Variants in LRRC72 observed in about 807,000 individuals in gnomAD.
LRRC72 encodes the protein leucine-rich repeat-containing protein 72.
LRRC72 carries 41 observed loss-of-function variants against 35.8 expected under a neutral mutation model. The ratio of observed to expected loss-of-function variants is 1.15; its 90% CI spans 0.89 to 1.49. The LOEUF (loss-of-function observed/expected upper bound fraction) is 1.49. LRRC72 is among the 40% of genes most tolerant of loss of function. The pLI is 0.00. For missense variants in LRRC72, 389 were observed against 330.7 expected (o/e 1.18, Z -1.37); for synonymous variants, 118 against 119.2 (o/e 0.99, Z 0.07).
Position 16,567,415 on chromosome 7 carries a change from C to A in LRRC72, c.542C>A (p.Ser181Ter). The part of the protein sequence containing the change: ...RNQVTEKERR[S>*]MITIFNHKKA... ...GAAGTTACAGAAAAAGAAAGAAGAT[C>A]AATGATTACCATTTTTAACCATAAA... Residue 181 changes from serine to a stop codon, truncating the protein, a stop_gained, in exon 7 of 9, where the codon TCA becomes TAA. Transcript: ENST00000401542. LOFTEE classifies it high-confidence loss of function. The A allele has an allele frequency of 6.7e-7, 1 of 1,499,570 alleles. No individual in the cohort carries two copies. The highest frequency in any genetic ancestry group is 8.9e-7 in the Non-Finnish European group (1 of 1,125,098). The allele number at this position is 1,499,570 out of a possible 1,614,324, so 92.9% of individuals were successfully genotyped here. A position where few individuals can be genotyped will look rare whatever the true frequency, so the allele number is the denominator to read the frequency against.
At position 16,548,693 on chromosome 7, in the gene LRRC72, G is replaced by T. The variant is rs574699524; in HGVS notation, c.235-8667G>T. On this transcript the variant is annotated intron_variant, in intron 3 of 8. Transcript: ENST00000401542. The stretch of plus-strand genomic sequence containing the variant: ...TCTGTGCCTGGCTCACTCTTGACAG[G>T]CATGGGATCCAAGCTGGTAGCAGGA... 2.6e-5 allele frequency among the ~76,000 whole-genome samples: 4 copies of T among 152,340 alleles called. No homozygotes were observed. The East Asian group carries it at 7.7e-4, about 29-fold the overall frequency.
chr7:16,527,297 T>A (rs557865063), intron 1 of LRRC72, among the ~76,000 whole-genome samples: 3 of 152,330 alleles, frequency 2.0e-5, no homozygotes, highest in Middle Eastern at 3.4e-3. Flanking sequence ...CTAGAGGTCC[T>A]AATCCCCTGG....
chr7:16,537,578 A>G (rs1231931037), intron 2 of LRRC72, 49 bp from the exon 3 acceptor site: 1 of 1,140,664 alleles, frequency 8.8e-7, no homozygotes, highest in East Asian at 2.6e-5. Context: ...AGACTTACCT[A>G]TGTGTGAACT....
chr7:16,547,640 G>A (rs892101896), intron 3 of LRRC72, among the ~76,000 whole-genome samples: 4 of 152,238 alleles, frequency 2.6e-5, no homozygotes, highest in East Asian at 1.9e-4. Flanking sequence ...ACAGAGTAAA[G>A]TTGATCCCAA....
intron 2 of LRRC72, among the ~76,000 whole-genome samples, chr7:16,535,285 A>G (rs1782234309): frequency 6.6e-6 from 1 of 152,172 alleles, no homozygotes; most frequent in Non-Finnish European, 1.5e-5. Flanking sequence ...GAGACACACA[A>G]TTCTGCTTGA....
Position 16,566,394 on chromosome 7 carries a change from A to G in LRRC72, c.509A>G (p.Asp170Gly). 1.3e-6 allele frequency: 2 copies of G among 1,543,364 alleles called. No homozygotes were observed. The highest frequency in any genetic ancestry group is 1.7e-6 in the Non-Finnish European group (2 of 1,143,260). The change falls in exon 6 of 9, where the codon GAC becomes GGC. Residue 170 changes from aspartate to glycine, a missense_variant. Asp to Gly is a moderately conservative substitution (Grantham distance 94). Transcript: ENST00000401542. ...CACCTTCCAGGAGTGGAGCTGCTTG[A>G]CCGAAATCGTAAGGACCCTTCCTTC... ...IYHLPGVELLDRNQVTEKERR... is the reference protein window; with the variant it reads ...IYHLPGVELLGRNQVTEKERR...
At chr7:16,573,904 T>C (rs1449551029) in intron 7 of LRRC72, among the ~76,000 whole-genome samples, 1 of 152,164 alleles carries the variant, frequency 6.6e-6, no homozygotes, top group Non-Finnish European at 1.5e-5. Context: ...AATCCATCCA[T>C]CTGATGAAGG....
chr7:16,546,325 T>A (rs1276309875), intron 3 of LRRC72, among the ~76,000 whole-genome samples: 3 of 152,180 alleles, frequency 2.0e-5, no homozygotes, highest in African/African-American at 7.2e-5. Context: ...ACCTTGCTAC[T>A]ATTGCGTTTT....
chr7:16,559,292 G>A (rs189218122), intron 5 of LRRC72, among the ~76,000 whole-genome samples: 95 of 152,126 alleles, frequency 6.2e-4, no homozygotes, highest in African/African-American at 2.0e-3. Context: ...TACTTGAGAG[G>A]CTGAGGCGGG....
At chr7:16,533,668 A>T (rs1192851663) in intron 2 of LRRC72, among the ~76,000 whole-genome samples, 1 of 152,078 alleles carries the variant, frequency 6.6e-6, no homozygotes, top group Non-Finnish European at 1.5e-5. Flanking sequence ...TTATTTTATT[A>T]TAAATAAATA....
At chr7:16,569,285 G>A (rs1188700225) in intron 7 of LRRC72, among the ~76,000 whole-genome samples, 1 of 152,068 alleles carries the variant, frequency 6.6e-6, no homozygotes, top group African/African-American at 2.4e-5. Context: ...AATTAGCCAG[G>A]CATGGTGGCA....
rs1782186388 is a variant in LRRC72 at position 16,532,549 on chromosome 7, G to C, written c.145G>C (p.Glu49Gln). The C allele has an allele frequency of 6.5e-6, 10 of 1,549,526 alleles. No homozygotes were observed. Among genetic ancestry groups the C allele is most frequent in the Non-Finnish European group, 7.0e-6 (8 of 1,146,024 alleles). ...CGHRRDADVFELFLSKKELTE... is the reference protein window; with the variant it reads ...CGHRRDADVFQLFLSKKELTE... ...CCACAGGAGGGATGCTGATGTCTTTGAGCTGTTCCTTTCTAAAAAGTAAGT... is the reference window on the plus strand; with the variant it reads ...CCACAGGAGGGATGCTGATGTCTTTCAGCTGTTCCTTTCTAAAAAGTAAGT... Residue 49 changes from glutamate (E) to glutamine (Q), a missense_variant, in exon 2 of 9, where the codon GAG becomes CAG. Transcript: ENST00000401542.
At chr7:16,569,096 A>G (rs1044482629) in intron 7 of LRRC72, among the ~76,000 whole-genome samples, 1 of 152,158 alleles carries the variant, frequency 6.6e-6, no homozygotes, top group Non-Finnish European at 1.5e-5. Context: ...ATTCTGCTAT[A>G]TTTACCGCCC....
chr7:16,551,525 G>C (rs1450493202), intron 3 of LRRC72, among the ~76,000 whole-genome samples: 3 of 152,148 alleles, frequency 2.0e-5, no homozygotes, highest in Non-Finnish European at 4.4e-5. Context: ...CTACTTCTGG[G>C]AGGGGAGAGG....
chr7:16,550,540 C>G (rs1782531959), intron 3 of LRRC72, among the ~76,000 whole-genome samples: 2 of 152,158 alleles, frequency 1.3e-5, no homozygotes, highest in Admixed American at 6.5e-5. Flanking sequence ...AAAGAATTGG[C>G]TAATTCTCTA....
chr7:16,550,389 A>G (rs370685644), intron 3 of LRRC72, among the ~76,000 whole-genome samples: 21 of 152,230 alleles, frequency 1.4e-4, no homozygotes, highest in African/African-American at 5.1e-4. Flanking sequence ...GTCATGAAAA[A>G]TAAATGAGAT....
chr7:16,561,914 C>A (rs1782750474), intron 5 of LRRC72, among the ~76,000 whole-genome samples: 1 of 152,168 alleles, frequency 6.6e-6, no homozygotes, highest in Admixed American at 6.5e-5. Context: ...CAAATGTAGT[C>A]ATTTTTGTCT....
At chr7:16,527,273 C>A (rs534241501) in intron 1 of LRRC72, among the ~76,000 whole-genome samples, 32 of 152,218 alleles carry the variant, frequency 2.1e-4, no homozygotes, top group Non-Finnish European at 4.1e-4. Flanking sequence ...CCCCCCTCAG[C>A]ATCTCTGCCT....
At chr7:16,551,144 G>C (rs1224238954) in intron 3 of LRRC72, among the ~76,000 whole-genome samples, 1 of 152,160 alleles carries the variant, frequency 6.6e-6, no homozygotes, top group Admixed American at 6.5e-5. Flanking sequence ...ACAAAAAGGA[G>C]ACTAGGACAG....
Sources: gnomAD v4.1 joint callset for allele counts (sites outside exome capture counted in the v4.1 genomes callset) on GRCh38, gnomAD v4.1.1 for gene constraint, MANE v1.5 for transcripts, NCBI Gene and HGNC (gene_info 2026-07-23, HGNC 2026-07-21) for gene names.